CXXC5: variants seen among roughly 807,000 people sequenced by gnomAD.
CXXC5 encodes CXXC finger protein 5, also known as CXXC-type zinc finger protein 5.
In CXXC5, 2 loss-of-function variants were observed where a neutral mutation model predicts 17.6. The ratio of observed to expected loss-of-function variants is 0.11; its 90% CI spans 0.05 to 0.36. The LOEUF is 0.36. Ranked by LOEUF, CXXC5 falls within the 10% of genes least tolerant of loss-of-function variation. The pLI is 1.00. For missense variants in CXXC5, 343 were observed against 458.3 expected (o/e 0.75, Z 2.30); for synonymous variants, 171 against 193.0 (o/e 0.89, Z 0.94).
chr5:139,652,041 G>T (rs574209808), intron 1 of CXXC5, among the ~76,000 whole-genome samples: 1 of 152,050 alleles, frequency 6.6e-6, no homozygotes, highest in South Asian at 2.1e-4. Context: ...TAGAAGCTCC[G>T]CCCCGTTTCC....
chr5:139,652,094 T>C (rs1755215894), intron 1 of CXXC5, among the ~76,000 whole-genome samples: 1 of 151,832 alleles, frequency 6.6e-6, no homozygotes, highest in Non-Finnish European at 1.5e-5. Context: ...TCTTTTCTTT[T>C]TTCTGGGGCT....
At chr5:139,656,874 G>A (rs754022707) in intron 1 of CXXC5, among the ~76,000 whole-genome samples, 2 of 152,240 alleles carry the variant, frequency 1.3e-5, no homozygotes, top group South Asian at 2.1e-4. Flanking sequence ...ACAGGTGTGC[G>A]CCACCATGCC....
chr5:139,658,084 C>T lies in CXXC5; in HGVS notation c.-161+9239C>T, dbSNP rs1282999758. Among the ~76,000 whole-genome samples, 1 of 152,188 alleles carries T rather than the reference C, an allele frequency of 6.6e-6. No homozygotes were observed. The highest frequency in any genetic ancestry group is 2.4e-5 in the African/African-American group (1 of 41,430). On this transcript the variant is annotated intron_variant, in intron 1 of 2. Transcript: ENST00000302517. This position sits in a 1 kb window ranked among gnomAD's most constrained non-coding sequence, Gnocchi z 4.1. The stretch of plus-strand genomic sequence containing the variant: ...ACAGCTTCATGCCAGTTCCTGTTGA[C>T]TCTGATGGGAGAGACCCAGCCCCTC...
rs1472445107 is a variant in CXXC5 at position 139,668,351 on chromosome 5, C to T, written c.-160-12013C>T. On this transcript the variant is annotated intron_variant, in intron 1 of 2. Coordinates refer to ENST00000302517, the MANE Select transcript of CXXC5 (RefSeq NM_016463.9). This position sits in a 1 kb window ranked among gnomAD's most constrained non-coding sequence, Gnocchi z 4.1. ...CGCCGCGGCTCAGGGCGCCTCCCGG[C>T]TCCCTGCCGCCTCCCAGCCGGACGC... 6.6e-6 allele frequency among the ~76,000 whole-genome samples: 1 copy of T among 152,070 alleles called. No homozygotes were observed. The highest frequency in any genetic ancestry group is 1.5e-5 in the Non-Finnish European group (1 of 67,982).
At chr5:139,660,945 G>C (rs1473409441) in intron 1 of CXXC5, among the ~76,000 whole-genome samples, 1 of 151,542 alleles carries the variant, frequency 6.6e-6, no homozygotes, top group African/African-American at 2.4e-5. Flanking sequence ...TGGCCGGCGG[G>C]ACAGGCAAGA....
At position 139,668,003 on chromosome 5, in the gene CXXC5, GT is replaced by G. The variant is rs1417185776; in HGVS notation, c.-160-12357del. ...TCAGCGCTCCAAGGAGAGGGCCTGG[GT>G]TTTAATTTTTGCTGCAGGGTCCCAC... On this transcript the variant is annotated intron_variant, in intron 1 of 2. Coordinates refer to ENST00000302517, the MANE Select transcript of CXXC5 (RefSeq NM_016463.9). The surrounding 1 kb of genome is among the most constrained non-coding windows in gnomAD (Gnocchi z 4.1). Among the ~76,000 whole-genome samples the G allele has an allele frequency of 1.3e-5, 2 of 152,124 alleles. No homozygotes were observed. Among genetic ancestry groups the G allele is most frequent in the African/African-American group, 2.4e-5 (1 of 41,432 alleles).
intron 1 of CXXC5, among the ~76,000 whole-genome samples, chr5:139,669,254 G>A (rs892845959): frequency 1.3e-5 from 2 of 152,184 alleles, no homozygotes; most frequent in African/African-American, 4.8e-5. Flanking sequence ...AGCTCTGCCC[G>A]CCTGCCGTAA....
Position 139,651,822 on chromosome 5 carries a change from T to G in CXXC5, c.-161+2977T>G, listed in dbSNP as rs356449. On this transcript the variant is annotated intron_variant, in intron 1 of 2. Coordinates refer to ENST00000302517, the MANE Select transcript of CXXC5 (RefSeq NM_016463.9). The stretch of plus-strand genomic sequence containing the variant: ...TGGTGGCTTGATCATTTAGTCCGAA[T>G]TAACAAGCATGATGCTCTGGGGCAT... Among the ~76,000 whole-genome samples, 1,497 of 152,190 alleles carry G rather than the reference T, an allele frequency of 9.8e-3. 13 individuals carry two copies. Among genetic ancestry groups the G allele is most frequent in the African/African-American group, 0.034 (1,399 of 41,486 alleles).
intron 1 of CXXC5, among the ~76,000 whole-genome samples, chr5:139,674,468 A>G (rs1439514570): frequency 6.6e-6 from 1 of 152,118 alleles, no homozygotes; most frequent in Non-Finnish European, 1.5e-5. Flanking sequence ...CAGGGTGTGC[A>G]GCTCTGCTGG....
intron 1 of CXXC5, chr5:139,649,633 C>T (rs1049541319): frequency 2.0e-5 from 3 of 152,240 alleles, no homozygotes; most frequent in African/African-American, 7.2e-5. Context: ...GCCCCGCGGC[C>T]CCTCCCTCCC....
intron 1 of CXXC5, chr5:139,665,458 G>A (rs866138771): frequency 5.9e-5 from 9 of 152,252 alleles, no homozygotes; most frequent in African/African-American, 1.9e-4. Flanking sequence ...TTCCCAGATA[G>A]CATCCATAAG....
At chr5:139,652,654 A>G (rs1473345739) in intron 1 of CXXC5, among the ~76,000 whole-genome samples, 1 of 152,138 alleles carries the variant, frequency 6.6e-6, no homozygotes, top group African/African-American at 2.4e-5. Flanking sequence ...ACATACATGG[A>G]TTTATGAATC....
intron 1 of CXXC5, among the ~76,000 whole-genome samples, chr5:139,657,452 G>A (rs1252056167): frequency 6.6e-6 from 1 of 152,246 alleles, no homozygotes; most frequent in Non-Finnish European, 1.5e-5. Context: ...TGATAGGCTA[G>A]TTGGGCAGAC....
chr5:139,676,016 C>CT (rs138776755), intron 1 of CXXC5, among the ~76,000 whole-genome samples: 1 of 151,490 alleles, frequency 6.6e-6, no homozygotes, highest in Non-Finnish European at 1.5e-5. Context: ...TATGAGTCTC[C>CT]CTCCTTCCAG....
chr5:139,669,885 C>G (rs1047815444), intron 1 of CXXC5, among the ~76,000 whole-genome samples: 1 of 152,188 alleles, frequency 6.6e-6, no homozygotes, highest in Admixed American at 6.5e-5. Flanking sequence ...TGCCTCCAGA[C>G]CCCCCAACCC....
intron 1 of CXXC5, among the ~76,000 whole-genome samples, chr5:139,657,988 CTG>C (rs1755581133): frequency 6.6e-6 from 1 of 151,102 alleles, no homozygotes; most frequent in South Asian, 2.1e-4. Flanking sequence ...GCATTAGTGG[CTG>C]TGTGTGCCAG....
intron 1 of CXXC5, among the ~76,000 whole-genome samples, chr5:139,651,503 C>T (rs1175633102): frequency 1.3e-5 from 2 of 152,206 alleles, no homozygotes; most frequent in African/African-American, 4.8e-5. Flanking sequence ...TCTTGCTGCC[C>T]CTTTCCTGCT....
At chr5:139,680,099 G>T (rs945804482) in intron 1 of CXXC5, among the ~76,000 whole-genome samples, 4 of 152,208 alleles carry the variant, frequency 2.6e-5, no homozygotes, top group Non-Finnish European at 5.9e-5. Flanking sequence ...CTTGGTGGCT[G>T]TGTGTTCATA....
intron 1 of CXXC5, among the ~76,000 whole-genome samples, chr5:139,654,985 G>T (rs1003496923): frequency 1.3e-5 from 2 of 152,192 alleles, no homozygotes; most frequent in African/African-American, 4.8e-5. Context: ...GAAAGTGGTG[G>T]CTTGGCTGAT....
Sources: gnomAD v4.1 joint callset for allele counts (sites outside exome capture counted in the v4.1 genomes callset) on GRCh38, gnomAD v4.1.1 for gene constraint, Gnocchi (gnomAD v3.1) non-coding constraint, MANE v1.5 for transcripts, NCBI Gene and HGNC (gene_info 2026-07-23, HGNC 2026-07-21) for gene names.